The following ATP8A1 variants were observed in gnomAD, a reference collection of about 807,000 sequenced individuals.
ATP8A1 encodes ATPase phospholipid transporting 8A1.
ATP8A1 carries 90 observed loss-of-function variants against 177.7 expected under a neutral mutation model. The observed-to-expected ratio is 0.51, with a 90% CI of 0.43 to 0.60. The LOEUF (loss-of-function observed/expected upper bound fraction) is 0.60. Ranked by LOEUF, ATP8A1 falls within the 20% of genes least tolerant of loss-of-function variation. The pLI, the probability that ATP8A1 is intolerant of heterozygous loss-of-function variation, is 0.00. For missense variants in ATP8A1, 1,072 were observed against 1,392.8 expected (o/e 0.77, Z 3.67); for synonymous variants, 493 against 485.9 (o/e 1.01, Z -0.19).
chr4:42,568,925 C>T (rs1731623386), intron 15 of ATP8A1, among the ~76,000 whole-genome samples: 1 of 152,116 alleles, frequency 6.6e-6, no homozygotes, highest in Non-Finnish European at 1.5e-5. Context: ...TACAGATAAA[C>T]AATGTAAAAC....
At chr4:42,500,197 T>C (rs968053062) in intron 24 of ATP8A1, among the ~76,000 whole-genome samples, 1 of 152,068 alleles carries the variant, frequency 6.6e-6, no homozygotes, top group Non-Finnish European at 1.5e-5. Context: ...AAACCCCATC[T>C]CTACTAAAAA....
intron 7 of ATP8A1, 71 bp from the exon 8 acceptor site, chr4:42,588,400 G>T: frequency 7.8e-7 from 1 of 1,285,348 alleles, no homozygotes; most frequent in Non-Finnish European, 1.1e-6. Context: ...TTATTTAAAT[G>T]CTCAGACTCA....
In ATP8A1 at chr4:42,496,708, C is replaced by T. The variant is rs544645441; in HGVS notation, c.2151+6742G>A. 2.4e-4 allele frequency among the ~76,000 whole-genome samples: 37 copies of T among 152,030 alleles called. No individual in the cohort carries two copies. The South Asian group carries it at 5.8e-3, about 24-fold the overall frequency. On this transcript the variant is annotated intron_variant, in intron 24 of 36. Transcript: ENST00000381668. ...ATATTTTCTCAGTGCAAATCCCAAA[C>T]GCACACAATTTCCATTATTTTATAT...
chr4:42,654,303 C>A (rs927379771), intron 1 of ATP8A1, among the ~76,000 whole-genome samples: 1 of 152,138 alleles, frequency 6.6e-6, no homozygotes, highest in Non-Finnish European at 1.5e-5. Flanking sequence ...CTATTTATTC[C>A]CTCTTTAAGT....
chr4:42,506,974 T>C (rs1724425793), intron 23 of ATP8A1, 42 bp downstream of exon 23: 1 of 1,601,490 alleles, frequency 6.2e-7, no homozygotes, highest in Non-Finnish European at 8.5e-7. Flanking sequence ...CATTAACTTA[T>C]TAAAAAGCAC....
At chr4:42,562,005 T>C (rs1259420256) in intron 15 of ATP8A1, 2 of 152,202 alleles carry the variant, frequency 1.3e-5, no homozygotes, top group Admixed American at 1.3e-4. Flanking sequence ...CCCTCATCTT[T>C]CTGCTTTTTA....
intron 1 of ATP8A1, among the ~76,000 whole-genome samples, chr4:42,643,074 G>A (rs1355440704): frequency 1.3e-5 from 2 of 152,180 alleles, no homozygotes; most frequent in African/African-American, 4.8e-5. Context: ...AGAACGCAGT[G>A]ATCACGTGAA....
chr4:42,508,111 C>G (rs1004418830), intron 22 of ATP8A1, among the ~76,000 whole-genome samples: 1 of 152,000 alleles, frequency 6.6e-6, no homozygotes, highest in African/African-American at 2.4e-5. Flanking sequence ...CCAATGGGCT[C>G]TGGGGAAAGC....
chr4:42,446,467 C>T (rs1030316483), intron 31 of ATP8A1, 116 bp downstream of exon 31: 36 of 1,025,254 alleles, frequency 3.5e-5, no homozygotes, highest in East Asian at 1.1e-4. Flanking sequence ...TAAAGGGAAC[C>T]GTAAACAACC....
intron 29 of ATP8A1, 25 bp from the exon 30 acceptor site, chr4:42,452,084 G>A: frequency 6.4e-7 from 1 of 1,561,800 alleles, no homozygotes; most frequent in Non-Finnish European, 8.8e-7. Context: ...AAATCCATGA[G>A]AACCATTTGC....
At chr4:42,413,632 C>A (rs903032420) in intron 36 of ATP8A1, among the ~76,000 whole-genome samples, 1 of 152,190 alleles carries the variant, frequency 6.6e-6, no homozygotes, top group Admixed American at 6.5e-5. Flanking sequence ...ACAATGCCCT[C>A]ACATCAGTTC....
intron 1 of ATP8A1, among the ~76,000 whole-genome samples, chr4:42,627,827 G>A (rs1242064326): frequency 6.6e-6 from 1 of 152,108 alleles, no homozygotes; most frequent in Non-Finnish European, 1.5e-5. Flanking sequence ...AATCAAAGGG[G>A]TGACAACAGT....
chr4:42,602,113 A>T (rs1441953965), intron 5 of ATP8A1, among the ~76,000 whole-genome samples: 2 of 152,152 alleles, frequency 1.3e-5, no homozygotes, highest in African/African-American at 2.4e-5. Flanking sequence ...TCATTAATTT[A>T]AAAAAATAAT....
At chr4:42,481,339 C>G (rs1721649051) in intron 25 of ATP8A1, among the ~76,000 whole-genome samples, 1 of 152,162 alleles carries the variant, frequency 6.6e-6, no homozygotes, top group South Asian at 2.1e-4. Context: ...TATTTCCCAC[C>G]CTGCTATGAC....
At chr4:42,636,566 G>A (rs1186545513) in intron 1 of ATP8A1, among the ~76,000 whole-genome samples, 1 of 152,162 alleles carries the variant, frequency 6.6e-6, no homozygotes, top group Non-Finnish European at 1.5e-5. Context: ...AAACTATTTA[G>A]CAATACCTCT....
At chr4:42,590,017 A>G (rs982372569) in intron 7 of ATP8A1, among the ~76,000 whole-genome samples, 5 of 152,204 alleles carry the variant, frequency 3.3e-5, no homozygotes, top group Non-Finnish European at 7.4e-5. Flanking sequence ...GCAATTCTTA[A>G]TAGTGCTGTG....
chr4:42,548,108 C>A (rs536059766), intron 19 of ATP8A1, among the ~76,000 whole-genome samples: 1 of 152,276 alleles, frequency 6.6e-6, no homozygotes, highest in South Asian at 2.1e-4. Context: ...ATCTATTATT[C>A]GACCTTAAGA....
intron 14 of ATP8A1, 148 bp downstream of exon 14, chr4:42,574,471 A>G: frequency 1.5e-6 from 1 of 651,228 alleles, no homozygotes; most frequent in East Asian, 3.1e-5. Context: ...CGAAATATAC[A>G]TGTGTCCTAA....
intron 1 of ATP8A1, among the ~76,000 whole-genome samples, chr4:42,656,261 A>G (rs2109602845): frequency 6.6e-6 from 1 of 152,216 alleles, no homozygotes; most frequent in African/African-American, 2.4e-5. Context: ...AAACACAAAA[A>G]CGAAACCTCA....
Sources: allele counts gnomAD v4.1 joint callset (sites outside exome capture counted in the v4.1 genomes callset), GRCh38; gene constraint gnomAD v4.1.1; transcripts MANE v1.5; gene names NCBI Gene and HGNC (gene_info 2026-07-23, HGNC 2026-07-21).